RFC5: variants seen among roughly 807,000 people sequenced by gnomAD.
The protein encoded by RFC5 is replication factor C subunit 5.
Under a neutral mutation model 44.3 loss-of-function variants are expected in RFC5, and 26 were observed. The ratio of observed to expected loss-of-function variants is 0.59; its 90% CI spans 0.43 to 0.81. RFC5 has a LOEUF of 0.81. Among genes scored for constraint, RFC5 ranks in the 40% least tolerant of loss-of-function variants. RFC5 has a pLI of 0.00. For synonymous variants in RFC5, 155 were observed against 155.2 expected, an observed-to-expected ratio of 1.00 and a Z score of 0.01; for missense variants, 328 against 418.6, an observed-to-expected ratio of 0.78 and a Z score of 1.89.
At chr12:118,017,705 C>G (rs1016169305) in intron 1 of RFC5, 3 of 791,890 alleles carry the variant, frequency 3.8e-6, no homozygotes, top group Admixed American at 2.9e-5. Flanking sequence ...GGGTCTCGCT[C>G]TGTCGCCCAT....
chr12:118,038,766 T>G, the RFC5 span, among the ~76,000 whole-genome samples: 3 of 152,132 alleles, frequency 2.0e-5, no homozygotes, highest in Admixed American at 2.0e-4. Flanking sequence ...CTGCAACCTC[T>G]GCCTCCCAAG....
the RFC5 span, among the ~76,000 whole-genome samples, chr12:118,041,334 T>C: frequency 6.6e-6 from 1 of 152,040 alleles, no homozygotes; most frequent in Non-Finnish European, 1.5e-5. Flanking sequence ...AGAGAGAAGG[T>C]GGCTGTTTAC....
intron 3 of RFC5, among the ~76,000 whole-genome samples, chr12:118,020,533 T>C (rs1260342005): frequency 6.6e-6 from 1 of 152,230 alleles, no homozygotes; most frequent in Non-Finnish European, 1.5e-5. Context: ...TAGACGCAGG[T>C]CTCAGAACTT....
chr12:118,025,512 T>G (rs2030873901), intron 6 of RFC5: 6 of 466,946 alleles, frequency 1.3e-5, no homozygotes, highest in Non-Finnish European at 2.3e-5. Flanking sequence ...GGGAGAATGC[T>G]TGTTCCTAAA....
downstream of RFC5, chr12:118,034,414 G>A: frequency 2.5e-6 from 4 of 1,594,662 alleles, no homozygotes; most frequent in Non-Finnish European, 3.4e-6. Flanking sequence ...ATGTTTTCAT[G>A]AGGATGAATA....
At chr12:118,038,567 A>C in the RFC5 span, among the ~76,000 whole-genome samples, 1 of 152,188 alleles carries the variant, frequency 6.6e-6, no homozygotes, top group South Asian at 2.1e-4. Flanking sequence ...TGTCATTTAA[A>C]CACCTGTAAT....
chr12:118,026,095 A>C (rs1163255137), intron 7 of RFC5, among the ~76,000 whole-genome samples: 1 of 152,078 alleles, frequency 6.6e-6, no homozygotes, highest in African/African-American at 2.4e-5. Flanking sequence ...CATCTGCCTC[A>C]GCTTCCTAAA....
chr12:118,034,924 A>T (rs2031470915), downstream of RFC5: 5 of 1,498,294 alleles, frequency 3.3e-6, no homozygotes, highest in Non-Finnish European at 4.6e-6. Flanking sequence ...TCTTTCCTTA[A>T]AAAGCTCCAT....
chr12:118,034,579 CTCTG>C (rs1427383215), downstream of RFC5: 17 of 544,126 alleles, frequency 3.1e-5, no homozygotes, highest in Admixed American at 2.4e-4. Context: ...AAAGCGCTCT[CTCTG>C]TCTCTCTCTC....
intron 3 of RFC5, 83 bp from the exon 4 acceptor site, chr12:118,020,823 G>C: frequency 1.2e-6 from 1 of 821,314 alleles, no homozygotes; most frequent in Non-Finnish European, 2.1e-6. Flanking sequence ...GAGCTGGACT[G>C]ATGAGGAAAT....
intron 1 of RFC5, among the ~76,000 whole-genome samples, chr12:118,017,442 G>C (rs756276702): frequency 1.3e-5 from 2 of 152,138 alleles, no homozygotes; most frequent in Non-Finnish European, 2.9e-5. Flanking sequence ...TATGGTCCAA[G>C]GGAGAAAATT....
In RFC5 at chr12:118,031,308, G is replaced by A. The variant is rs748217601; in HGVS notation, c.*30G>A. 3.5e-6 allele frequency: 5 copies of A among 1,434,034 alleles called. No homozygotes were observed. The African/African-American group carries it at 5.6e-5, about 16-fold the overall frequency. The allele number at this position is 1,434,034 out of a possible 1,614,324, so 88.8% of individuals were successfully genotyped here. ...TCTGAGGGCCATTCACAATTCTCAG[G>A]GCTCAGCAGTGATGGGAGAACAGAG... On this transcript the variant is annotated 3_prime_UTR_variant, in exon 11 of 11. Transcript: ENST00000454402.
intron 1 of RFC5, among the ~76,000 whole-genome samples, chr12:118,018,275 G>T (rs951395099): frequency 2.0e-5 from 3 of 152,154 alleles, no homozygotes; most frequent in Non-Finnish European, 4.4e-5. Context: ...GCAATAGTAG[G>T]TGCCCATCAG....
Position 118,031,373 on chromosome 12 carries a change from G to A in RFC5, c.*95G>A. On this transcript the variant is annotated 3_prime_UTR_variant, in exon 11 of 11. Coordinates refer to ENST00000454402, the MANE Select transcript of RFC5 (RefSeq NM_007370.7). ...AAACTGCTGCCTGGGGCTGTGGGAT[G>A]AATCAGTCACCCCGAATCTTGGAAA... 2 of 778,268 alleles carry A rather than the reference G, an allele frequency of 2.6e-6. No individual in the cohort carries two copies. Among genetic ancestry groups the A allele is most frequent in the Non-Finnish European group, 4.2e-6 (2 of 473,318 alleles). The allele number at this position is 778,268 out of a possible 1,614,324, so 48.2% of individuals were successfully genotyped here.
chr12:118,018,669 G>T (rs909618232), intron 1 of RFC5, among the ~76,000 whole-genome samples: 2 of 152,008 alleles, frequency 1.3e-5, no homozygotes, highest in Non-Finnish European at 2.9e-5. Flanking sequence ...GAGTGCAGTG[G>T]TGCAATCTCG....
At chr12:118,024,167 C>A (rs567869153) in intron 5 of RFC5, among the ~76,000 whole-genome samples, 1 of 152,048 alleles carries the variant, frequency 6.6e-6, no homozygotes, top group African/African-American at 2.4e-5. Context: ...TGGTGAAACC[C>A]CGTCTCTACT....
At chr12:118,024,520 G>T (rs2030797425) in intron 5 of RFC5, among the ~76,000 whole-genome samples, 1 of 151,384 alleles carries the variant, frequency 6.6e-6, no homozygotes, top group African/African-American at 2.4e-5. Context: ...CCACCTCCCG[G>T]ATTCAAGCAA....
chr12:118,032,911 T>TG (rs1447753576), downstream of RFC5: 1 of 152,130 alleles, frequency 6.6e-6, no homozygotes, highest in Admixed American at 6.5e-5. Context: ...CCAAAAGCTT[T>TG]TAACTGTTGT....
At chr12:118,041,429 A>C in the RFC5 span, among the ~76,000 whole-genome samples, 1 of 152,158 alleles carries the variant, frequency 6.6e-6, no homozygotes, top group Non-Finnish European at 1.5e-5. Flanking sequence ...GTGAGAAATA[A>C]ATGTCTGTTG....
Sources: gnomAD v4.1 joint callset for allele counts (sites outside exome capture counted in the v4.1 genomes callset) on GRCh38, gnomAD v4.1.1 for gene constraint, MANE v1.5 for transcripts, NCBI Gene and HGNC (gene_info 2026-07-23, HGNC 2026-07-21) for gene names.